ULK4: variants seen among roughly 807,000 people sequenced by gnomAD.
ULK4 encodes inactive serine/threonine-protein kinase ULK4.
ULK4 carries 133 observed loss-of-function variants against 160.6 expected under a neutral mutation model. That is an observed-to-expected ratio of 0.83 (90% confidence interval 0.72 to 0.96). The LOEUF (loss-of-function observed/expected upper bound fraction) is 0.96. ULK4 is among the 40% of genes least tolerant of loss of function. The pLI, the probability that ULK4 is intolerant of heterozygous loss-of-function variation, is 0.00. For missense variants in ULK4, 1,580 were observed against 1,499.5 expected, an observed-to-expected ratio of 1.05 and a Z score of -0.89; for synonymous variants, 534 against 539.8, an observed-to-expected ratio of 0.99 and a Z score of 0.15.
At position 41,827,143 on chromosome 3, in the gene ULK4, G is replaced by A. The variant is rs1440336575; in HGVS notation, c.1765-7637C>T. Among the ~76,000 whole-genome samples, 5 of 143,512 alleles carry A rather than the reference G, an allele frequency of 3.5e-5. 1 individual carries two copies. Among genetic ancestry groups the A allele is most frequent in the Admixed American group, 2.1e-4 (3 of 14,514 alleles). 94.1% of individuals were successfully genotyped at this position (143,512 alleles called of 152,430 possible). ...AAAGACACAACATACCAGAATACCT[G>A]GGACACATTCAAAGCAGTGTGTAGG... On this transcript the variant is annotated intron_variant, in intron 18 of 36. Coordinates refer to ENST00000301831, the MANE Select transcript of ULK4 (RefSeq NM_017886.4).
intron 16 of ULK4, among the ~76,000 whole-genome samples, chr3:41,885,945 T>G (rs1697705034): frequency 6.6e-6 from 1 of 152,122 alleles, no homozygotes; most frequent in African/African-American, 2.4e-5. Flanking sequence ...CCCAAAGTGC[T>G]AGGATTACAG....
chr3:41,601,733 G>C (rs2032074768), intron 31 of ULK4, among the ~76,000 whole-genome samples: 1 of 152,082 alleles, frequency 6.6e-6, no homozygotes, highest in Non-Finnish European at 1.5e-5. Context: ...TGAATTAAGA[G>C]ACATTCTTCA....
intron 14 of ULK4, among the ~76,000 whole-genome samples, chr3:41,898,213 A>AT (rs1698235744): frequency 6.6e-6 from 1 of 152,184 alleles, no homozygotes; most frequent in Non-Finnish European, 1.5e-5. Context: ...CCCACCCACA[A>AT]TAGGACTGGG....
chr3:41,665,717 T>C (rs930125903), intron 29 of ULK4, among the ~76,000 whole-genome samples: 5 of 152,104 alleles, frequency 3.3e-5, no homozygotes, highest in Non-Finnish European at 5.9e-5. Flanking sequence ...TTAGGGATAA[T>C]AAAAATGTCT....
chr3:41,441,955 A>G (rs2083180021), intron 34 of ULK4, among the ~76,000 whole-genome samples: 1 of 152,118 alleles, frequency 6.6e-6, no homozygotes, highest in South Asian at 2.1e-4. Context: ...TCTGAAATCT[A>G]CTTTGTCTAA....
chr3:41,872,502 C>T (rs897494651), intron 17 of ULK4, among the ~76,000 whole-genome samples: 4 of 152,200 alleles, frequency 2.6e-5, no homozygotes, highest in African/African-American at 7.2e-5. Flanking sequence ...TCTGCCTAAA[C>T]TCTATGCCCT....
At chr3:41,633,147 T>C (rs1299578184) in intron 30 of ULK4, among the ~76,000 whole-genome samples, 1 of 152,230 alleles carries the variant, frequency 6.6e-6, no homozygotes, top group Non-Finnish European at 1.5e-5. Context: ...TCACAGAAGA[T>C]CATGTTAGTC....
intron 17 of ULK4, among the ~76,000 whole-genome samples, chr3:41,839,789 CA>C: frequency 6.6e-6 from 1 of 152,070 alleles, no homozygotes; most frequent in Admixed American, 6.6e-5. Flanking sequence ...TATATATTGG[CA>C]ATAAACACAT....
At chr3:41,579,321 G>A (rs902236213) in intron 31 of ULK4, among the ~76,000 whole-genome samples, 1 of 152,088 alleles carries the variant, frequency 6.6e-6, no homozygotes, top group Non-Finnish European at 1.5e-5. Context: ...AGGTTAAAGT[G>A]AGAAAGGATA....
intron 35 of ULK4, among the ~76,000 whole-genome samples, chr3:41,326,593 A>C (rs1232565794): frequency 6.6e-6 from 1 of 152,170 alleles, no homozygotes; most frequent in Non-Finnish European, 1.5e-5. Context: ...AACAGGGTAG[A>C]AGTCTGGGGA....
chr3:41,932,382 A>C (rs1472729837), intron 4 of ULK4, among the ~76,000 whole-genome samples: 1 of 152,230 alleles, frequency 6.6e-6, no homozygotes, highest in East Asian at 1.9e-4. Context: ...CAAGTGAGGA[A>C]GCATAATGTA....
intron 2 of ULK4, among the ~76,000 whole-genome samples, chr3:41,947,379 G>A (rs150608769): frequency 2.1e-3 from 316 of 152,284 alleles, no homozygotes; most frequent in African/African-American, 7.2e-3. Flanking sequence ...GACTGTCAAC[G>A]CGACAGCTGA....
chr3:41,937,443 GTAA>G (rs1161396904), intron 3 of ULK4: 4 of 599,828 alleles, frequency 6.7e-6, no homozygotes, highest in Non-Finnish European at 1.2e-5. Flanking sequence ...CATAAAGCTA[GTAA>G]TAATTATATC....
chr3:41,789,795 T>A lies in ULK4; in HGVS notation c.2059A>T (p.Ile687Phe), dbSNP rs2040095176. Residue 687 changes from isoleucine to phenylalanine, a missense_variant, in exon 21 of 37, where the codon ATT (isoleucine) becomes TTT (phenylalanine). Ile to Phe is a conservative substitution (Grantham distance 21). Coordinates refer to ENST00000301831, the MANE Select transcript of ULK4 (RefSeq NM_017886.4). ...RHSPTAFQNV[I>F]EKVGLNSVIN... Reference sequence around the variant, plus strand: ...ACTGAGTTCAGTCCCACCTTTTCAATAACATTCTGGAAGGCAGTAGGAGAA... The same window carrying A: ...ACTGAGTTCAGTCCCACCTTTTCAAAAACATTCTGGAAGGCAGTAGGAGAA... 6.2e-7 allele frequency: 1 copy of A among 1,613,340 alleles called. No individual in the cohort carries two copies. The highest frequency in any genetic ancestry group is 8.5e-7 in the Non-Finnish European group (1 of 1,179,752).
rs552835492 is a variant in ULK4, at chr3:41,560,022, T to C, written c.3226+6003A>G. On this transcript the variant is annotated intron_variant, in intron 32 of 36. Coordinates refer to ENST00000301831, the MANE Select transcript of ULK4 (RefSeq NM_017886.4). ...TTAAGTCTAACATTTAAGTCTTTAATCCATCTTGAATTAATTTTTGTATAA... is the reference window on the plus strand; with the variant it reads ...TTAAGTCTAACATTTAAGTCTTTAACCCATCTTGAATTAATTTTTGTATAA... Among the ~76,000 whole-genome samples the C allele has an allele frequency of 4.6e-5, 7 of 152,358 alleles. No individual in the cohort carries two copies. In the East Asian group the frequency reaches 1.4e-3, roughly 29 times the overall value.
chr3:41,373,957 C>T (rs981106324), intron 35 of ULK4, among the ~76,000 whole-genome samples: 1 of 152,154 alleles, frequency 6.6e-6, no homozygotes, highest in Non-Finnish European at 1.5e-5. Flanking sequence ...AAGGGCATAT[C>T]ACCACTAATC....
intron 1 of ULK4, among the ~76,000 whole-genome samples, chr3:41,956,301 G>T (rs747087186): frequency 2.0e-5 from 3 of 152,212 alleles, no homozygotes; most frequent in Admixed American, 6.5e-5. Context: ...AGGTGAGCGT[G>T]AAGAGGCCAG....
intron 35 of ULK4, among the ~76,000 whole-genome samples, chr3:41,388,570 T>C (rs1373914130): frequency 1.3e-5 from 2 of 152,096 alleles, no homozygotes; most frequent in Non-Finnish European, 2.9e-5. Context: ...AAGGAAGGGA[T>C]CAAGTTTCAG....
intron 31 of ULK4, among the ~76,000 whole-genome samples, chr3:41,584,275 A>G (rs549469114): frequency 2.0e-5 from 3 of 152,320 alleles, no homozygotes; most frequent in Non-Finnish European, 2.9e-5. Context: ...TATGGATCAT[A>G]ACATTTAGTG....
Sources: gnomAD v4.1 joint callset for allele counts (sites outside exome capture counted in the v4.1 genomes callset) on GRCh38, gnomAD v4.1.1 for gene constraint, MANE v1.5 for transcripts, NCBI Gene and HGNC (gene_info 2026-07-23, HGNC 2026-07-21) for gene names.